LRRC49: variants seen among roughly 807,000 people sequenced by gnomAD.
LRRC49 encodes the protein leucine-rich repeat-containing protein 49.
A neutral mutation model predicts 83.3 loss-of-function variants in LRRC49; 50 were observed. That is an observed-to-expected ratio of 0.60 (90% confidence interval 0.48 to 0.76). The LOEUF (loss-of-function observed/expected upper bound fraction) is 0.76, where lower values mean the gene tolerates loss of function less well. Among genes scored for constraint, LRRC49 ranks in the 30% least tolerant of loss-of-function variants. The probability of loss-of-function intolerance (pLI) is 0.00; values close to 1 mark genes in which losing one functional copy is unlikely to be tolerated. For missense variants in LRRC49, 704 were observed against 809.1 expected (o/e 0.87, Z 1.58); for synonymous variants, 286 against 283.3 (o/e 1.01, Z -0.10).
In LRRC49 at chr15:70,904,431, G is replaced by A. The variant is rs945991712; in HGVS notation, c.297-121G>A. 9 of 635,024 alleles carry A rather than the reference G, an allele frequency of 1.4e-5. No homozygotes were observed. The African/African-American group carries it at 1.7e-4, about 12-fold the overall frequency. The allele number at this position is 635,024 out of a possible 1,614,324, so 39.3% of individuals were successfully genotyped here. A position where few individuals can be genotyped will look rare whatever the true frequency, so the allele number is the denominator to read the frequency against. The stretch of plus-strand genomic sequence containing the variant: ...GTCGCTTAGTTCATGGGGGTTGGAA[G>A]TGGTCCAACTTATTTTTTTCTCCTC... On this transcript the variant is annotated intron_variant, in intron 4 of 15. Coordinates refer to ENST00000260382, the MANE Select transcript of LRRC49 (RefSeq NM_017691.5).
chr15:70,939,633 G>A (rs2035730451), intron 8 of LRRC49, among the ~76,000 whole-genome samples: 1 of 151,978 alleles, frequency 6.6e-6, no homozygotes, highest in Non-Finnish European at 1.5e-5. Flanking sequence ...CAGACAATGA[G>A]GTACGTTGTC....
At chr15:70,973,042 G>A (rs2037070693) in intron 9 of LRRC49, among the ~76,000 whole-genome samples, 1 of 152,110 alleles carries the variant, frequency 6.6e-6, no homozygotes, top group Non-Finnish European at 1.5e-5. Context: ...GTGAGGAGTT[G>A]TGATCCTTTG....
chr15:71,008,759 G>T, intron 12 of LRRC49, 143 bp downstream of exon 12: 2 of 595,096 alleles, frequency 3.4e-6, no homozygotes, highest in Non-Finnish European at 2.9e-6. Context: ...TCTTGAGCTA[G>T]GATTTAAATT....
At chr15:70,900,784 C>G in intron 3 of LRRC49, 138 bp from the exon 4 acceptor site, 1 of 614,640 alleles carries the variant, frequency 1.6e-6, no homozygotes. Context: ...TAATTAATTT[C>G]AAATATGGAG....
chr15:70,982,620 AT>A (rs1191410355), intron 10 of LRRC49, among the ~76,000 whole-genome samples: 4 of 151,852 alleles, frequency 2.6e-5, no homozygotes, highest in Non-Finnish European at 4.4e-5. Flanking sequence ...GGCCCAAAAC[AT>A]TTTTTTTAGA....
At chr15:70,933,856 T>C (rs1041293372) in intron 7 of LRRC49, among the ~76,000 whole-genome samples, 2 of 152,246 alleles carry the variant, frequency 1.3e-5, no homozygotes, top group Non-Finnish European at 2.9e-5. Context: ...TGGACCATGA[T>C]GTTAAACTTT....
At chr15:70,883,398 T>C (rs953191167) in intron 2 of LRRC49, among the ~76,000 whole-genome samples, 1 of 152,118 alleles carries the variant, frequency 6.6e-6, no homozygotes, top group African/African-American at 2.4e-5. Flanking sequence ...TTCACCATGT[T>C]AGCCAGGCTG....
At chr15:71,009,685 C>A in intron 12 of LRRC49, 122 bp from the exon 13 acceptor site, 1 of 608,132 alleles carries the variant, frequency 1.6e-6, no homozygotes, top group Non-Finnish European at 2.8e-6. Context: ...TAATTGAAAA[C>A]ATATTTGCTA....
At chr15:70,891,965 C>T (rs2033593144), upstream of LRRC49, 5 of 1,613,492 alleles carry the variant, frequency 3.1e-6, no homozygotes, top group African/African-American at 5.3e-5. Context: ...TGCTTGGTCT[C>T]CCTCCTCTCC....
chr15:71,021,769 C>G (rs1040892397), intron 14 of LRRC49, among the ~76,000 whole-genome samples: 1 of 152,142 alleles, frequency 6.6e-6, no homozygotes, highest in Non-Finnish European at 1.5e-5. Context: ...TGTCTCTGCT[C>G]CACATGGTCT....
chr15:71,022,441 G>A (rs2039023561), intron 14 of LRRC49, among the ~76,000 whole-genome samples: 1 of 152,116 alleles, frequency 6.6e-6, no homozygotes, highest in African/African-American at 2.4e-5. Context: ...TCAACTATAT[G>A]TTGTTTACAA....
intron 11 of LRRC49, among the ~76,000 whole-genome samples, chr15:71,007,709 G>GTGTATATATA (rs964626080): frequency 8.0e-5 from 11 of 137,700 alleles, no homozygotes; most frequent in African/African-American, 3.0e-4. Flanking sequence ...TGAGAAGCAT[G>GTGTATATATA]TATATATATA....
chr15:70,866,431 G>A (rs1267074237), intron 1 of LRRC49, among the ~76,000 whole-genome samples: 3 of 152,096 alleles, frequency 2.0e-5, no homozygotes, highest in Admixed American at 1.3e-4. Context: ...AGGCGTGAGC[G>A]ACCACGTCCG....
At chr15:71,000,212 T>G (rs2038210749) in intron 11 of LRRC49, among the ~76,000 whole-genome samples, 1 of 152,244 alleles carries the variant, frequency 6.6e-6, no homozygotes. Context: ...AAAGTTGATT[T>G]TGTTTTTGGG....
chr15:70,965,468 C>G (rs1455106360), intron 9 of LRRC49, among the ~76,000 whole-genome samples: 1 of 152,010 alleles, frequency 6.6e-6, no homozygotes, highest in African/African-American at 2.4e-5. Context: ...TGTCATGTCT[C>G]TAAAGTCATC....
rs1179985768 is a variant in LRRC49 at position 71,012,814 on chromosome 15, A to G, written c.1604A>G (p.Asn535Ser). ...ATTGTGTCTCTTCAGGTGACACAGA[A>G]TGATATGATAATGGCTGAAAGGCTC... is the stretch of plus-strand genomic sequence containing the variant. Reference protein sequence around the residue: ...QKINGTEVTQNDMIMAERLFG... With the variant: ...QKINGTEVTQSDMIMAERLFG... The change falls in exon 14 of 16, where the codon AAT becomes AGT. Residue 535 changes from asparagine to serine, a missense_variant. Asn to Ser is a conservative substitution (Grantham distance 46). This residue lies in a region of LRRC49 where 275 missense variants were observed against 338.0 expected (regional missense o/e 0.81). Transcript: ENST00000260382. 4 of 1,608,542 alleles carry G rather than the reference A, an allele frequency of 2.5e-6. No homozygotes were observed. The Admixed American group carries it at 6.7e-5, about 27-fold the overall frequency.
At chr15:70,987,087 T>C (rs2037653629) in intron 11 of LRRC49, among the ~76,000 whole-genome samples, 1 of 152,358 alleles carries the variant, frequency 6.6e-6, no homozygotes, top group East Asian at 1.9e-4. Context: ...GATATTGGTC[T>C]AAAATTCTCT....
At chr15:71,002,402 A>G (rs924803563) in intron 11 of LRRC49, among the ~76,000 whole-genome samples, 2 of 152,180 alleles carry the variant, frequency 1.3e-5, no homozygotes, top group African/African-American at 4.8e-5. Context: ...AAACTTTGCT[A>G]TATCCCACTA....
At chr15:70,901,050 T>A (rs1197180371) in intron 4 of LRRC49, 26 bp downstream of exon 4, 1 of 1,392,496 alleles carries the variant, frequency 7.2e-7, no homozygotes, top group South Asian at 1.2e-5. Flanking sequence ...TTTCTTTTCT[T>A]TTTTTTGACT....
Sources: gnomAD v4.1 joint callset for allele counts (sites outside exome capture counted in the v4.1 genomes callset) on GRCh38, gnomAD v4.1.1 for gene constraint, gnomAD v4.1.1 regional missense constraint, MANE v1.5 for transcripts, NCBI Gene and HGNC (gene_info 2026-07-23, HGNC 2026-07-21) for gene names.